The following SDHAF3 variants were observed in gnomAD, a reference collection of about 807,000 sequenced individuals.
SDHAF3 encodes succinate dehydrogenase complex assembly factor 3, also known as succinate dehydrogenase assembly factor 3, mitochondrial.
In SDHAF3, 18 loss-of-function variants were observed where a neutral mutation model predicts 11.5. That is an observed-to-expected ratio of 1.56 (90% CI 1.08 to 2.32). The LOEUF (loss-of-function observed/expected upper bound fraction) is 2.32. Among genes scored for constraint, SDHAF3 ranks in the 30% most tolerant of loss-of-function variants. The pLI, the probability that SDHAF3 is intolerant of heterozygous loss-of-function variation, is 0.00. For missense variants in SDHAF3, 200 were observed against 154.4 expected, an observed-to-expected ratio of 1.30 and a Z score of -1.57; for synonymous variants, 72 against 59.3, an observed-to-expected ratio of 1.21 and a Z score of -0.99.
intron 1 of SDHAF3, among the ~76,000 whole-genome samples, chr7:97,156,629 G>T (rs1169011338): frequency 2.0e-5 from 3 of 152,006 alleles, no homozygotes; most frequent in African/African-American, 7.3e-5. Context: ...GTAAATACAG[G>T]GGTATAGGTG....
chr7:97,170,418 A>T (rs979917466), intron 1 of SDHAF3, among the ~76,000 whole-genome samples: 26 of 152,178 alleles, frequency 1.7e-4, no homozygotes, highest in African/African-American at 6.3e-4. Context: ...TAAGTTATGT[A>T]ATATTACCTT....
intron 1 of SDHAF3, among the ~76,000 whole-genome samples, chr7:97,132,015 A>T (rs1791678324): frequency 6.6e-6 from 1 of 152,186 alleles, no homozygotes; most frequent in Non-Finnish European, 1.5e-5. Context: ...TTGGATGATA[A>T]GATTGATTGT....
chr7:97,172,444 G>C (rs745736229), intron 1 of SDHAF3, among the ~76,000 whole-genome samples: 28 of 152,024 alleles, frequency 1.8e-4, no homozygotes, highest in Non-Finnish European at 3.4e-4. Context: ...CTTGGTTCTT[G>C]TCTTTCTGTG....
intron 1 of SDHAF3, among the ~76,000 whole-genome samples, chr7:97,171,257 T>A (rs1789598317): frequency 6.6e-6 from 1 of 152,146 alleles, no homozygotes; most frequent in Non-Finnish European, 1.5e-5. Flanking sequence ...AATAATTGAA[T>A]AAATTTTGGG....
At chr7:97,171,323 A>G (rs1562831509) in intron 1 of SDHAF3, among the ~76,000 whole-genome samples, 1 of 152,152 alleles carries the variant, frequency 6.6e-6, no homozygotes, top group African/African-American at 2.4e-5. Flanking sequence ...GGTTGTTTAC[A>G]TTAAAGAATA....
chr7:97,128,629 A>C (rs1262185693), intron 1 of SDHAF3, among the ~76,000 whole-genome samples: 1 of 152,192 alleles, frequency 6.6e-6, no homozygotes, highest in African/African-American at 2.4e-5. Context: ...TTTTTGTACA[A>C]ATTTAAGGTG....
chr7:97,134,079 A>G (rs773842807), intron 1 of SDHAF3, among the ~76,000 whole-genome samples: 15 of 152,316 alleles, frequency 9.8e-5, no homozygotes, highest in South Asian at 4.1e-4. Flanking sequence ...TACACTTTTC[A>G]TGCAGCTGAC....
At position 97,117,845 on chromosome 7, in the gene SDHAF3, G is replaced by A. The variant is rs757828353; in HGVS notation, c.122G>A (p.Arg41Lys). The A allele has an allele frequency of 5.6e-6, 9 of 1,614,110 alleles. No homozygotes were observed. Among genetic ancestry groups the A allele is most frequent in the South Asian group, 2.2e-5 (2 of 91,084 alleles). Residue 41 changes from arginine (R) to lysine (K), a missense_variant, in exon 1 of 2, where the codon AGA becomes AAA. Arg to Lys is a conservative substitution (Grantham distance 26). Transcript: ENST00000432641. ...CAGTACGTGAAAGACGAATTTAGGA[G>A]ACATAAGACCGTTGGTTCTGACGAG... ...GDQYVKDEFR[R>K]HKTVGSDEAQ...
chr7:97,131,764 A>G (rs955565767), intron 1 of SDHAF3, among the ~76,000 whole-genome samples: 1 of 152,206 alleles, frequency 6.6e-6, no homozygotes, highest in Non-Finnish European at 1.5e-5. Flanking sequence ...AAGCTTTACT[A>G]AAAGAAATGG....
intron 1 of SDHAF3, among the ~76,000 whole-genome samples, chr7:97,150,792 G>A (rs1789207427): frequency 1.3e-5 from 2 of 151,920 alleles, no homozygotes; most frequent in Admixed American, 6.6e-5. Context: ...TCGATCTCCT[G>A]ACCTTGTGAT....
chr7:97,137,829 T>TG (rs955597013), intron 1 of SDHAF3, among the ~76,000 whole-genome samples: 1 of 151,506 alleles, frequency 6.6e-6, no homozygotes, highest in African/African-American at 2.4e-5. Context: ...ATATCTACCA[T>TG]GTCACTTGCC....
intron 1 of SDHAF3, among the ~76,000 whole-genome samples, chr7:97,178,478 AT>A (rs1789719638): frequency 6.6e-6 from 1 of 152,176 alleles, no homozygotes. Flanking sequence ...ACCATTTTAT[AT>A]TCTCATTATC....
At chr7:97,156,413 G>A (rs920634830) in intron 1 of SDHAF3, among the ~76,000 whole-genome samples, 4 of 152,040 alleles carry the variant, frequency 2.6e-5, no homozygotes, top group African/African-American at 9.7e-5. Context: ...TGATGAGCTT[G>A]CACTAATAGT....
At chr7:97,138,888 C>T (rs148436554) in intron 1 of SDHAF3, among the ~76,000 whole-genome samples, 16 of 152,312 alleles carry the variant, frequency 1.1e-4, no homozygotes, top group Admixed American at 1.3e-4. Context: ...CTGCAGGAGG[C>T]GCCTACCCAC....
intron 1 of SDHAF3, among the ~76,000 whole-genome samples, chr7:97,140,680 C>T (rs927333490): frequency 1.3e-5 from 2 of 152,194 alleles, no homozygotes; most frequent in African/African-American, 2.4e-5. Context: ...CTTCCCCAAT[C>T]GATACCCTGT....
At chr7:97,131,447 A>G (rs986868085) in intron 1 of SDHAF3, among the ~76,000 whole-genome samples, 6 of 152,202 alleles carry the variant, frequency 3.9e-5, no homozygotes, top group Admixed American at 3.9e-4. Flanking sequence ...TGAGAATGGA[A>G]ATTGCTGGGC....
Position 97,143,927 on chromosome 7 carries a change from G to T in SDHAF3, c.174+26030G>T, listed in dbSNP as rs574032351. Among the ~76,000 whole-genome samples the T allele has an allele frequency of 3.9e-5, 6 of 152,284 alleles. No individual in the cohort carries two copies. In the South Asian group the frequency reaches 1.0e-3, roughly 26 times the overall value. Reference sequence around the variant, plus strand: ...AATCTCCACAGTGTTTTCCATAGTGGCTGTACTGGTTTACATTCCCACCAG... The same window carrying T: ...AATCTCCACAGTGTTTTCCATAGTGTCTGTACTGGTTTACATTCCCACCAG... On this transcript the variant is annotated intron_variant, in intron 1 of 1. Coordinates refer to ENST00000432641, the MANE Select transcript of SDHAF3 (RefSeq NM_020186.3).
chr7:97,171,313 G>C (rs1306015674), intron 1 of SDHAF3, among the ~76,000 whole-genome samples: 1 of 151,842 alleles, frequency 6.6e-6, no homozygotes, highest in African/African-American at 2.4e-5. Context: ...GCTTTCCTTT[G>C]GTTGTTTACA....
intron 1 of SDHAF3, among the ~76,000 whole-genome samples, chr7:97,160,166 G>A (rs552304031): frequency 5.1e-5 from 7 of 136,798 alleles, no homozygotes; most frequent in Non-Finnish European, 1.1e-4. Flanking sequence ...GGTGAGTAGC[G>A]CCCCTGCCCG....
Sources: allele counts gnomAD v4.1 joint callset (sites outside exome capture counted in the v4.1 genomes callset), GRCh38; gene constraint gnomAD v4.1.1; transcripts MANE v1.5; gene names NCBI Gene and HGNC (gene_info 2026-07-23, HGNC 2026-07-21).